The following PTPRQ variants were observed in gnomAD, a reference collection of about 807,000 sequenced individuals.
The protein encoded by PTPRQ is phosphatidylinositol phosphatase PTPRQ.
PTPRQ carries 199 observed loss-of-function variants against 246.0 expected under a neutral mutation model. The ratio of observed to expected loss-of-function variants is 0.81; its 90% CI spans 0.72 to 0.91. The LOEUF (loss-of-function observed/expected upper bound fraction) is 0.91, where lower values mean the gene tolerates loss of function less well. PTPRQ is among the 40% of genes least tolerant of loss of function. The pLI is 0.00. For missense variants in PTPRQ, 2,624 were observed against 2,528.4 expected, an observed-to-expected ratio of 1.04 and a Z score of -0.81; for synonymous variants, 869 against 853.2, an observed-to-expected ratio of 1.02 and a Z score of -0.32.
chr12:80,570,451 T>G (rs1897113125), intron 25 of PTPRQ, among the ~76,000 whole-genome samples: 1 of 152,200 alleles, frequency 6.6e-6, no homozygotes, highest in Non-Finnish European at 1.5e-5. Flanking sequence ...TCTTGTAAAT[T>G]TGTTTAAGTT....
chr12:80,670,366 G>A lies in PTPRQ; in HGVS notation c.6476G>A (p.Arg2159Gln), dbSNP rs367572836. 160 of 1,550,676 alleles carry A rather than the reference G, an allele frequency of 1.0e-4. 2 individuals carry two copies. The highest frequency in any genetic ancestry group is 9.3e-4 in the South Asian group (78 of 83,986). Residue 2159 changes from arginine to glutamine, a missense_variant, in exon 42 of 45, where the codon CGA (arginine) becomes CAA (glutamine). Coordinates refer to ENST00000644991, the MANE Select transcript of PTPRQ (RefSeq NM_001145026.2). ...TAGCATGGGGATTGCATGACTGTTC[G>A]ACAGTGTAACTTTACTGCCTGGCCA... ...IERHGDCMTV[R>Q]QCNFTAWPEH... is the part of the protein sequence containing the mutation.
chr12:80,648,830 C>G (rs1900161834), intron 35 of PTPRQ, 67 bp from the exon 36 acceptor site: 1 of 1,435,074 alleles, frequency 7.0e-7, no homozygotes, highest in Middle Eastern at 1.8e-4. Context: ...TGACTTTAAT[C>G]TACACTTCTT....
chr12:80,530,436 T>C (rs549935404), intron 17 of PTPRQ, among the ~76,000 whole-genome samples: 28 of 152,310 alleles, frequency 1.8e-4, no homozygotes, highest in African/African-American at 6.7e-4. Flanking sequence ...TTGTTGGATT[T>C]TGTTGAATAT....
intron 25 of PTPRQ, among the ~76,000 whole-genome samples, chr12:80,572,382 A>G (rs1897169040): frequency 6.6e-6 from 1 of 152,102 alleles, no homozygotes; most frequent in African/African-American, 2.4e-5. Flanking sequence ...TGTTAAATTT[A>G]CTTCTTAGTT....
chr12:80,447,069 G>GT lies in PTPRQ; in HGVS notation c.390+1359dup, dbSNP rs909211803. 6.6e-5 allele frequency among the ~76,000 whole-genome samples: 10 copies of GT among 151,978 alleles called. No homozygotes were observed. In the East Asian group the frequency reaches 1.2e-3, roughly 18 times the overall value. On this transcript the variant is annotated intron_variant, in intron 3 of 44. Coordinates refer to ENST00000644991, the MANE Select transcript of PTPRQ (RefSeq NM_001145026.2). ...TTTCTCTGCATCCACACTGCCATCTGTTTTTTTGACTTTTTAATAGTAGCC... is the reference window on the plus strand; with the variant it reads ...TTTCTCTGCATCCACACTGCCATCTGTTTTTTTTGACTTTTTAATAGTAGCC...
intron 35 of PTPRQ, among the ~76,000 whole-genome samples, chr12:80,640,549 A>T (rs1899819301): frequency 6.6e-6 from 1 of 152,226 alleles, no homozygotes; most frequent in African/African-American, 2.4e-5. Context: ...GTGTTTGTAT[A>T]CTAAATAATG....
chr12:80,657,202 A>G (rs933965052), intron 38 of PTPRQ, among the ~76,000 whole-genome samples: 4 of 151,884 alleles, frequency 2.6e-5, no homozygotes, highest in Non-Finnish European at 1.5e-5. Context: ...TGTGAAAGGC[A>G]GTTAATAGGA....
chr12:80,658,138 AAAC>A (rs1900504982), intron 39 of PTPRQ, 77 bp downstream of exon 39: 2 of 945,608 alleles, frequency 2.1e-6, no homozygotes, highest in Admixed American at 8.1e-5. Context: ...CAATTACTTA[AAAC>A]AACAAATTTA....
At chr12:80,664,702 A>T (rs548852404) in intron 39 of PTPRQ, among the ~76,000 whole-genome samples, 1 of 152,086 alleles carries the variant, frequency 6.6e-6, no homozygotes, top group African/African-American at 2.4e-5. Context: ...CTCAAATAAG[A>T]CTTGGATACT....
intron 25 of PTPRQ, among the ~76,000 whole-genome samples, chr12:80,579,981 TAAAC>T (rs1897385512): frequency 1.3e-5 from 2 of 152,144 alleles, no homozygotes; most frequent in Admixed American, 1.3e-4. Flanking sequence ...TAGTCATAAA[TAAAC>T]AATTTAAACT....
At chr12:80,523,695 T>C (rs1305575584) in intron 17 of PTPRQ, among the ~76,000 whole-genome samples, 1 of 152,252 alleles carries the variant, frequency 6.6e-6, no homozygotes, top group Non-Finnish European at 1.5e-5. Flanking sequence ...TTCTTAATCC[T>C]GAGTTCTAGT....
At chr12:80,463,816 C>T (rs1279052802) in intron 6 of PTPRQ, among the ~76,000 whole-genome samples, 3 of 150,902 alleles carry the variant, frequency 2.0e-5, no homozygotes, top group Non-Finnish European at 4.4e-5. Context: ...CAAGCAAATG[C>T]TGAGAGATTT....
intron 25 of PTPRQ, among the ~76,000 whole-genome samples, chr12:80,567,606 A>G (rs1246751038): frequency 6.6e-6 from 1 of 152,212 alleles, no homozygotes; most frequent in Non-Finnish European, 1.5e-5. Flanking sequence ...CTGTTTCAAC[A>G]TAACTGTTGC....
At chr12:80,461,787 G>A (rs1893178767) in intron 6 of PTPRQ, among the ~76,000 whole-genome samples, 2 of 150,910 alleles carry the variant, frequency 1.3e-5, no homozygotes, top group Admixed American at 1.3e-4. Flanking sequence ...TAAGTTTGAA[G>A]TTTTTTTGTT....
At chr12:80,546,445 G>A in intron 23 of PTPRQ, 111 bp from the exon 24 acceptor site, 1 of 1,021,780 alleles carries the variant, frequency 9.8e-7, no homozygotes, top group Admixed American at 3.0e-5. Flanking sequence ...AAATATCCAT[G>A]CTTATTAAAC....
intron 25 of PTPRQ, among the ~76,000 whole-genome samples, chr12:80,573,527 T>G (rs1242365697): frequency 6.6e-6 from 1 of 152,128 alleles, no homozygotes; most frequent in Non-Finnish European, 1.5e-5. Flanking sequence ...GGGATACATG[T>G]ACAGAATGTG....
In PTPRQ at chr12:80,542,091, C is replaced by T. The variant is rs1233903233; in HGVS notation, c.3448C>T (p.Pro1150Ser). The T allele has an allele frequency of 3.9e-6, 6 of 1,542,978 alleles. No homozygotes were observed. The African/African-American group carries it at 4.1e-5, about 11-fold the overall frequency. The change falls in exon 22 of 45, where the codon CCA (proline) becomes TCA (serine). Residue 1150 changes from proline to serine, a missense_variant and splice_region_variant. Physicochemically the swap from Pro to Ser is moderately conservative, Grantham distance 74. Transcript: ENST00000644991. The stretch of plus-strand genomic sequence containing the variant: ...AATATTCTCTTTTTCTTTTATAGTC[C>T]CAGAAACTTCACCAATAATCAACAC... Reference protein sequence around the residue: ...QLYIKTEEDVPETSPIINTFK... With the variant: ...QLYIKTEEDVSETSPIINTFK...
intron 14 of PTPRQ, among the ~76,000 whole-genome samples, chr12:80,497,374 A>G (rs546875480): frequency 7.2e-5 from 11 of 152,126 alleles, no homozygotes; most frequent in Middle Eastern, 3.4e-3. Flanking sequence ...TTGCGCTCCA[A>G]TGAAAATCTA....
At chr12:80,661,566 T>C (rs773472511) in intron 39 of PTPRQ, among the ~76,000 whole-genome samples, 5 of 151,674 alleles carry the variant, frequency 3.3e-5, no homozygotes, top group African/African-American at 7.2e-5. Flanking sequence ...CATATACTTA[T>C]AGGCATATAC....
Sources: allele counts gnomAD v4.1 joint callset (sites outside exome capture counted in the v4.1 genomes callset), GRCh38; gene constraint gnomAD v4.1.1; transcripts MANE v1.5; gene names NCBI Gene and HGNC (gene_info 2026-07-23, HGNC 2026-07-21).